Variants in SSPN observed in about 807,000 individuals in gnomAD.
SSPN encodes the protein sarcospan.
In SSPN, 15 loss-of-function variants were observed where a neutral mutation model predicts 19.1. That is an observed-to-expected ratio of 0.78 (90% CI 0.52 to 1.21). The LOEUF (loss-of-function observed/expected upper bound fraction) is 1.21. SSPN is among the 50% of genes most tolerant of loss of function. The pLI, the probability that SSPN is intolerant of heterozygous loss-of-function variation, is 0.00. For missense variants in SSPN, 291 were observed against 314.0 expected (o/e 0.93, Z 0.55); for synonymous variants, 147 against 140.3 (o/e 1.05, Z -0.34).
chr12:26,231,178 A>T lies in SSPN; in HGVS notation c.*102A>T. Reference sequence around the variant, plus strand: ...AAAGAAAGGAAAAAAATTGACAATAAAAGTCACTCTTCTAATTGAATATTT... The same window carrying T: ...AAAGAAAGGAAAAAAATTGACAATATAAGTCACTCTTCTAATTGAATATTT... On this transcript the variant is annotated 3_prime_UTR_variant, in exon 3 of 3. Transcript: ENST00000242729. The T allele has an allele frequency of 1.5e-6, 2 of 1,366,242 alleles. No individual in the cohort carries two copies. Among genetic ancestry groups the T allele is most frequent in the Non-Finnish European group, 1.9e-6 (2 of 1,038,808 alleles). The allele number at this position is 1,366,242 out of a possible 1,614,324, so 84.6% of individuals were successfully genotyped here.
rs1297677760 is a variant in SSPN, at chr12:26,233,225, T to C, written c.*2149T>C. 6.6e-6 allele frequency: 1 copy of C among 152,028 alleles called. No individual in the cohort carries two copies. The highest frequency in any genetic ancestry group is 6.6e-5 in the Admixed American group (1 of 15,246). 9.4% of individuals were successfully genotyped at this position (152,028 alleles called of 1,614,324 possible). A position where few individuals can be genotyped will look rare whatever the true frequency, so the allele number is the denominator to read the frequency against. ...TGCTTTACCAGTAATTCACAGGGTA[T>C]TTCAAATGGTAGAATCATTTTAGCT... On this transcript the variant is annotated 3_prime_UTR_variant, in exon 3 of 3. Coordinates refer to ENST00000242729, the MANE Select transcript of SSPN (RefSeq NM_005086.5). The surrounding 1 kb of genome is among the most constrained non-coding windows in gnomAD (Gnocchi z 4.3).
At chr12:26,201,022 T>TATATATATATATATATA (rs1944874782) in intron 1 of SSPN, among the ~76,000 whole-genome samples, 1 of 34,688 alleles carries the variant, frequency 2.9e-5, no homozygotes, top group African/African-American at 2.0e-4. Context: ...TATATATATA[T>TATATATATATATATATA]ATATATATAT....
At chr12:26,219,624 C>T (rs866759678) in intron 1 of SSPN, among the ~76,000 whole-genome samples, 4 of 152,208 alleles carry the variant, frequency 2.6e-5, no homozygotes, top group South Asian at 2.1e-4. Flanking sequence ...TTTCTCTTCA[C>T]GCTAAACCAA....
chr12:26,178,192 G>A (rs979377019), intron 1 of SSPN, among the ~76,000 whole-genome samples: 4 of 152,308 alleles, frequency 2.6e-5, no homozygotes, highest in African/African-American at 4.8e-5. Context: ...ACTGAAAAGC[G>A]TAGACTCTGA....
intron 1 of SSPN, among the ~76,000 whole-genome samples, chr12:26,133,915 A>G (rs543114432): frequency 1.6e-4 from 24 of 152,240 alleles, no homozygotes; most frequent in Non-Finnish European, 2.6e-4. Context: ...GGCATCAGGT[A>G]TCTCACACTT....
rs549291185 is a variant in SSPN at position 26,182,688 on chromosome 12, A to G, written c.-30-41605A>G. Among the ~76,000 whole-genome samples, 4 of 149,222 alleles carry G rather than the reference A, an allele frequency of 2.7e-5. No individual in the cohort carries two copies. In the South Asian group the frequency reaches 8.5e-4, roughly 32 times the overall value. ...CTTGCAATCCTAGTCATGCAGCAAA[A>G]TAATCTATGGCATCTTTGAAAAGTA... On this transcript the variant is annotated intron_variant, in intron 1 of 2. Transcript: ENST00000538142.
intron 1 of SSPN, among the ~76,000 whole-genome samples, chr12:26,156,594 A>G (rs1467259956): frequency 6.6e-6 from 1 of 152,224 alleles, no homozygotes; most frequent in Non-Finnish European, 1.5e-5. Flanking sequence ...ATCGCCTGGA[A>G]TGTTCACTGA....
Position 26,197,349 on chromosome 12 carries a change from A to G in SSPN, c.279+1398A>G, listed in dbSNP as rs114556326. Among the ~76,000 whole-genome samples the G allele has an allele frequency of 5.7e-3, 864 of 152,360 alleles. 11 individuals are homozygous for G. The highest frequency in any genetic ancestry group is 0.02 in the African/African-American group (820 of 41,584). ...TACTAAGAATTCCCATGAAATTACCATGATTGGAGTTTTCTAAATCAAGTG... is the reference window on the plus strand; with the variant it reads ...TACTAAGAATTCCCATGAAATTACCGTGATTGGAGTTTTCTAAATCAAGTG... On this transcript the variant is annotated intron_variant, in intron 1 of 2. Coordinates refer to ENST00000242729, the MANE Select transcript of SSPN (RefSeq NM_005086.5).
At chr12:26,169,784 T>A (rs1036896740) in intron 1 of SSPN, among the ~76,000 whole-genome samples, 3 of 152,172 alleles carry the variant, frequency 2.0e-5, no homozygotes, top group Non-Finnish European at 4.4e-5. Flanking sequence ...CCCTCTTTCC[T>A]ATGCAAGTTT....
intron 1 of SSPN, among the ~76,000 whole-genome samples, chr12:26,177,976 A>G (rs1176251207): frequency 6.6e-6 from 1 of 152,222 alleles, no homozygotes; most frequent in Non-Finnish European, 1.5e-5. Context: ...AAGGCCCCCA[A>G]GTCTAAGCTC....
chr12:26,158,160 C>G (rs1233190813), intron 1 of SSPN, among the ~76,000 whole-genome samples: 2 of 151,998 alleles, frequency 1.3e-5, no homozygotes. Flanking sequence ...AATGCTAACT[C>G]CTATGCATTG....
intron 1 of SSPN, among the ~76,000 whole-genome samples, chr12:26,176,577 C>G (rs73086947): frequency 0.13 from 20,285 of 152,250 alleles, 1,384 homozygotes; most frequent in South Asian, 0.18. Context: ...GCTCCACTCA[C>G]TAACTTCTTT....
At chr12:26,148,192 C>T (rs937298526) in intron 1 of SSPN, among the ~76,000 whole-genome samples, 10 of 152,198 alleles carry the variant, frequency 6.6e-5, no homozygotes, top group Admixed American at 6.5e-5. Flanking sequence ...TTCCCATCCT[C>T]CTGCCAGCTG....
At chr12:26,124,518 C>T (rs1944345356) in intron 1 of SSPN, 2 of 1,613,910 alleles carry the variant, frequency 1.2e-6, no homozygotes, top group East Asian at 2.2e-5. Flanking sequence ...CTTACACTTA[C>T]CTTGGTGTCG....
At chr12:26,193,314 T>C (rs770580265), upstream of SSPN, among the ~76,000 whole-genome samples, 1 of 152,228 alleles carries the variant, frequency 6.6e-6, no homozygotes, top group Non-Finnish European at 1.5e-5. Context: ...TTACCCCCAT[T>C]CATAAGTAGG....
upstream of SSPN, among the ~76,000 whole-genome samples, chr12:26,190,757 T>C (rs1377964493): frequency 6.6e-6 from 1 of 152,160 alleles, no homozygotes; most frequent in African/African-American, 2.4e-5. Flanking sequence ...ATTTCTCTTT[T>C]TATTACACTT....
chr12:26,226,493 C>T (rs895222744), intron 2 of SSPN, among the ~76,000 whole-genome samples: 8 of 152,126 alleles, frequency 5.3e-5, no homozygotes, highest in Non-Finnish European at 1.0e-4. Flanking sequence ...GAGAAAATAG[C>T]CACGGGCTCT....
At position 26,234,598 on chromosome 12, in the gene SSPN, A is replaced by T. The variant is rs193090676; in HGVS notation, c.*3522A>T. 1 of 152,334 alleles carries T rather than the reference A, an allele frequency of 6.6e-6. No individual in the cohort carries two copies. Among genetic ancestry groups the T allele is most frequent in the Admixed American group, 6.5e-5 (1 of 15,298 alleles). The allele number at this position is 152,334 out of a possible 1,614,324, so 9.4% of individuals were successfully genotyped here. A position where few individuals can be genotyped will look rare whatever the true frequency, so the allele number is the denominator to read the frequency against. ...TTCTAGTAGTTTATTATCTCAAATG[A>T]TTATTATCCCCTTCAAAAATACTGG... On this transcript the variant is annotated 3_prime_UTR_variant, in exon 3 of 3. Coordinates refer to ENST00000242729, the MANE Select transcript of SSPN (RefSeq NM_005086.5).
At chr12:26,140,947 C>A (rs7304897) in intron 1 of SSPN, among the ~76,000 whole-genome samples, 11 of 152,320 alleles carry the variant, frequency 7.2e-5, no homozygotes, top group Middle Eastern at 3.4e-3. Context: ...AAAGCAGCTC[C>A]TGCCACTTTT....
Sources: allele counts gnomAD v4.1 joint callset (sites outside exome capture counted in the v4.1 genomes callset), GRCh38; gene constraint gnomAD v4.1.1; non-coding constraint Gnocchi (gnomAD v3.1); transcripts MANE v1.5; gene names NCBI Gene and HGNC (gene_info 2026-07-23, HGNC 2026-07-21).